The following DIAPH3 variants were observed in gnomAD, a reference collection of about 807,000 sequenced individuals.
DIAPH3 encodes diaphanous related formin 3, also known as protein diaphanous homolog 3.
In DIAPH3, 117 loss-of-function variants were observed where a neutral mutation model predicts 144.3. The ratio of observed to expected loss-of-function variants is 0.81; its 90% CI spans 0.70 to 0.95. The LOEUF is 0.95. Among genes scored for constraint, DIAPH3 ranks in the 40% least tolerant of loss-of-function variants. The pLI is 0.00. For missense variants in DIAPH3, 1,421 were observed against 1,412.7 expected, an observed-to-expected ratio of 1.01 and a Z score of -0.09; for synonymous variants, 519 against 488.9, an observed-to-expected ratio of 1.06 and a Z score of -0.81.
At chr13:59,669,364 CCTT>C (rs1234068427) in intron 27 of DIAPH3, among the ~76,000 whole-genome samples, 1 of 152,148 alleles carries the variant, frequency 6.6e-6, no homozygotes, top group East Asian at 1.9e-4. Flanking sequence ...CTGCTCCACA[CCTT>C]CTCCACTCTT....
intron 27 of DIAPH3, among the ~76,000 whole-genome samples, chr13:59,725,175 C>G (rs1325364419): frequency 6.6e-6 from 1 of 152,128 alleles, no homozygotes; most frequent in East Asian, 1.9e-4. Context: ...AATTTGCTGA[C>G]TAGAAAATGA....
At chr13:59,844,573 T>C (rs117897577) in intron 22 of DIAPH3, among the ~76,000 whole-genome samples, 5,419 of 152,092 alleles carry the variant, frequency 0.036, 142 homozygotes, top group South Asian at 0.11. Flanking sequence ...TGTACACTCT[T>C]AAAGAATTTT....
Position 59,932,817 on chromosome 13 carries a change from T to C in DIAPH3, c.2075-7947A>G, listed in dbSNP as rs549656646. Among the ~76,000 whole-genome samples the C allele has an allele frequency of 7.2e-5, 11 of 152,250 alleles. No homozygotes were observed. In the East Asian group the frequency reaches 2.1e-3, roughly 29 times the overall value. On this transcript the variant is annotated intron_variant, in intron 17 of 27. Coordinates refer to ENST00000400324, the MANE Select transcript of DIAPH3 (RefSeq NM_001042517.2). ...AGGGATACAAAGAAGCAGAACTGCC[T>C]AAGAGAGAAAACAACAGAAATTTTA...
At chr13:59,973,845 C>T (rs1351635060) in intron 15 of DIAPH3, among the ~76,000 whole-genome samples, 1 of 152,048 alleles carries the variant, frequency 6.6e-6, no homozygotes, top group Non-Finnish European at 1.5e-5. Flanking sequence ...GTAGAGGGTG[C>T]ATGGGAGCTA....
At chr13:59,816,776 T>C (rs894504952) in intron 24 of DIAPH3, among the ~76,000 whole-genome samples, 3 of 151,838 alleles carry the variant, frequency 2.0e-5, no homozygotes, top group Admixed American at 1.3e-4. Flanking sequence ...TACTTTTATA[T>C]AATGTGTAAA....
At chr13:60,134,544 C>G (rs2059220431) in intron 1 of DIAPH3, among the ~76,000 whole-genome samples, 1 of 152,196 alleles carries the variant, frequency 6.6e-6, no homozygotes, top group Non-Finnish European at 1.5e-5. Flanking sequence ...GGCGCCCTTC[C>G]TCTAACAGCC....
At chr13:59,716,365 C>A (rs188474892) in intron 27 of DIAPH3, among the ~76,000 whole-genome samples, 1 of 152,032 alleles carries the variant, frequency 6.6e-6, no homozygotes, top group Non-Finnish European at 1.5e-5. Flanking sequence ...TTAGTAGAGA[C>A]GGGGTTTCAC....
chr13:59,989,540 G>C (rs151189352), intron 12 of DIAPH3, among the ~76,000 whole-genome samples: 9 of 151,742 alleles, frequency 5.9e-5, no homozygotes, highest in African/African-American at 2.2e-4. Flanking sequence ...CAAGATACCC[G>C]GGGTTTAAAG....
At chr13:59,978,845 G>T (rs1035694653) in intron 14 of DIAPH3, among the ~76,000 whole-genome samples, 15 of 151,662 alleles carry the variant, frequency 9.9e-5, no homozygotes, top group African/African-American at 3.6e-4. Context: ...TTGAGGCTCT[G>T]CTTAATTTCA....
chr13:59,806,263 G>A (rs1023753075), intron 25 of DIAPH3, among the ~76,000 whole-genome samples: 17 of 151,756 alleles, frequency 1.1e-4, no homozygotes, highest in African/African-American at 3.4e-4. Flanking sequence ...TGAGAAAGTC[G>A]GGCTAAAAAT....
intron 27 of DIAPH3, among the ~76,000 whole-genome samples, chr13:59,667,658 T>C (rs562275890): frequency 9.8e-5 from 15 of 152,350 alleles, no homozygotes; most frequent in African/African-American, 3.6e-4. Context: ...TACATGCATG[T>C]ACATATATAC....
intron 17 of DIAPH3, among the ~76,000 whole-genome samples, chr13:59,965,646 T>G (rs1283825427): frequency 1.3e-5 from 2 of 152,140 alleles, no homozygotes; most frequent in Admixed American, 1.3e-4. Context: ...TAAACAATCT[T>G]TTTTTATAAC....
At chr13:60,085,474 C>A (rs944055452) in intron 4 of DIAPH3, among the ~76,000 whole-genome samples, 1 of 152,098 alleles carries the variant, frequency 6.6e-6, no homozygotes, top group Admixed American at 6.6e-5. Flanking sequence ...ATCCTAGAAT[C>A]ACCAGGAGGG....
At chr13:59,941,738 C>A (rs1289234280) in intron 17 of DIAPH3, among the ~76,000 whole-genome samples, 1 of 151,956 alleles carries the variant, frequency 6.6e-6, no homozygotes, top group Non-Finnish European at 1.5e-5. Flanking sequence ...CAAGTAACAA[C>A]TGAAAAATTC....
chr13:60,020,940 C>T (rs957269693), intron 5 of DIAPH3: 1 of 152,182 alleles, frequency 6.6e-6, no homozygotes, highest in African/African-American at 2.4e-5. Context: ...TGCACAAAGA[C>T]ATTAAATGTA....
intron 27 of DIAPH3, among the ~76,000 whole-genome samples, chr13:59,694,394 T>C (rs916378757): frequency 6.6e-6 from 1 of 152,174 alleles, no homozygotes; most frequent in Non-Finnish European, 1.5e-5. Flanking sequence ...TGTTGCACAG[T>C]TCTTAGTTGA....
intron 25 of DIAPH3, among the ~76,000 whole-genome samples, chr13:59,800,538 C>A (rs1178954214): frequency 6.6e-6 from 1 of 152,160 alleles, no homozygotes; most frequent in Non-Finnish European, 1.5e-5. Flanking sequence ...TCCCACAATG[C>A]CTCCAAATAT....
At chr13:60,046,924 C>T (rs890954576) in intron 4 of DIAPH3, among the ~76,000 whole-genome samples, 4 of 151,306 alleles carry the variant, frequency 2.6e-5, no homozygotes. Context: ...AGTTGAACAA[C>T]GAGAACACAT....
chr13:59,741,969 AG>A (rs1192414720), intron 27 of DIAPH3, among the ~76,000 whole-genome samples: 1 of 152,162 alleles, frequency 6.6e-6, no homozygotes, highest in African/African-American at 2.4e-5. Context: ...TAATTCATAA[AG>A]GAAAGAGGTT....
Sources: gnomAD v4.1 joint callset for allele counts (sites outside exome capture counted in the v4.1 genomes callset) on GRCh38, gnomAD v4.1.1 for gene constraint, MANE v1.5 for transcripts, NCBI Gene and HGNC (gene_info 2026-07-23, HGNC 2026-07-21) for gene names.